The following TRAPPC4 variants were observed in gnomAD, a reference collection of about 807,000 sequenced individuals.
TRAPPC4 encodes trafficking protein particle complex subunit 4, also known as TRS23 homolog.
TRAPPC4 carries 30 observed loss-of-function variants against 23.5 expected under a neutral mutation model. That is an observed-to-expected ratio of 1.28 (90% confidence interval 0.96 to 1.73). The LOEUF (loss-of-function observed/expected upper bound fraction) is 1.73. TRAPPC4 is among the 40% of genes most tolerant of loss of function. TRAPPC4 has a pLI of 0.00. For missense variants in TRAPPC4, 252 were observed against 268.9 expected (o/e 0.94, Z 0.44); for synonymous variants, 129 against 105.3 (o/e 1.23, Z -1.38).
At chr11:119,022,279 C>T (rs116967891) in intron 4 of TRAPPC4, among the ~76,000 whole-genome samples, 1,934 of 152,240 alleles carry the variant, frequency 0.013, 41 homozygotes, top group East Asian at 0.056. Flanking sequence ...CCACTGCGCC[C>T]GGCCGAGTAT....
chr11:119,023,066 GC>G (rs1238995136), intron 4 of TRAPPC4: 1 of 275,786 alleles, frequency 3.6e-6, no homozygotes, highest in East Asian at 7.1e-5. Flanking sequence ...CCGGGTTCAG[GC>G]GATTCTTTTG....
intron 4 of TRAPPC4, among the ~76,000 whole-genome samples, chr11:119,022,808 GC>G (rs67758303): frequency 1 from 152,236 of 152,236 alleles, 76,118 homozygotes; most frequent in Non-Finnish European, 1. Context: ...GCTGAGGCAA[GC>G]AGAATCGCTT....
At chr11:119,023,230 A>C in intron 4 of TRAPPC4, 91 bp from the exon 5 acceptor site, 2 of 1,221,306 alleles carry the variant, frequency 1.6e-6, no homozygotes, top group Non-Finnish European at 2.4e-6. Context: ...CTTCCATGAT[A>C]TATGTTGTTC....
chr11:119,022,970 T>TTG (rs1943427161), intron 4 of TRAPPC4: 1 of 143,232 alleles, frequency 7.0e-6, no homozygotes, highest in African/African-American at 2.6e-5. Flanking sequence ...TTTTTTTTTT[T>TTG]TTTTTTTTTT....
rs782283023 is a variant in TRAPPC4 at position 119,019,898 on chromosome 11, G to A, written c.351-252G>A. The A allele has an allele frequency of 1.6e-5, 6 of 364,514 alleles. 1 individual carries two copies. In the South Asian group the frequency reaches 2.5e-4, roughly 15 times the overall value. 22.6% of individuals were successfully genotyped at this position (364,514 alleles called of 1,614,324 possible). On this transcript the variant is annotated intron_variant, in intron 2 of 4. Coordinates refer to ENST00000533632, the MANE Select transcript of TRAPPC4 (RefSeq NM_016146.6). ...TTGCTTAAACACAAGCTTAGTAAGC[G>A]TGGCACATATTCCTAGAGTATTCAT...
chr11:119,022,328 C>T (rs1055970094), intron 4 of TRAPPC4, among the ~76,000 whole-genome samples: 4 of 151,762 alleles, frequency 2.6e-5, no homozygotes, highest in Non-Finnish European at 2.9e-5. Flanking sequence ...CGGTGGCTCA[C>T]GTGTGTAATC....
intron 2 of TRAPPC4, 137 bp from the exon 3 acceptor site, chr11:119,020,013 A>C (rs1943302681): frequency 7.3e-6 from 4 of 548,128 alleles, no homozygotes; most frequent in Non-Finnish European, 1.3e-5. Flanking sequence ...AAATTTTGAC[A>C]CTACTGCCAG....
chr11:119,022,038 G>A (rs945078724), intron 4 of TRAPPC4, 152 bp downstream of exon 4: 2 of 998,700 alleles, frequency 2.0e-6, no homozygotes, highest in South Asian at 1.6e-5. Context: ...AGGCTGGAGT[G>A]CAATGATGCG....
chr11:119,022,319 G>A (rs550714157), intron 4 of TRAPPC4, among the ~76,000 whole-genome samples: 93 of 152,252 alleles, frequency 6.1e-4, no homozygotes, highest in African/African-American at 2.0e-3. Flanking sequence ...AGGAAAGGCC[G>A]GTGGCTCACG....
intron 4 of TRAPPC4, 105 bp downstream of exon 4, chr11:119,021,991 T>C (rs2134610571): frequency 1.4e-6 from 2 of 1,424,474 alleles, no homozygotes; most frequent in East Asian, 4.7e-5. Flanking sequence ...TTTTTTTGTT[T>C]GTTTGTTTTT....
rs71048033 is a variant in TRAPPC4 at position 119,022,957 on chromosome 11, G to GTTTTTTTTTTTTTTTTTTTTTTTTTTT, written c.582-341_582-340insTTTTTTTTTTTTTTTTTTTTTTTTTTT. The GTTTTTTTTTTTTTTTTTTTTTTTTTTT allele has an allele frequency of 2.3e-5, 2 of 85,500 alleles. 1 individual carries two copies. The highest frequency in any genetic ancestry group is 4.4e-5 in the Non-Finnish European group (2 of 44,948). The allele number at this position is 85,500 out of a possible 1,614,324, so 5.3% of individuals were successfully genotyped here. On this transcript the variant is annotated intron_variant, in intron 4 of 4. Transcript: ENST00000533632. ...TGTTTGTGGGGTTTTTTTTGTTGAT[G>GTTTTTTTTTTTTTTTTTTTTTTTTTTT]TTTTTTTTTTTTTTTTTTTTTTTGA...
chr11:119,020,568 A>T (rs1943329820), intron 3 of TRAPPC4: 1 of 236,318 alleles, frequency 4.2e-6, no homozygotes, highest in Admixed American at 5.4e-5. Flanking sequence ...ACACCCGGCT[A>T]ATTTTTCTGT....
chr11:119,023,212 A>C (rs1009527519), intron 4 of TRAPPC4, 109 bp from the exon 5 acceptor site: 38 of 1,014,482 alleles, frequency 3.7e-5, no homozygotes, highest in Non-Finnish European at 5.2e-5. Context: ...TGATCCGCCC[A>C]CCTCAGCCTT....
At chr11:119,020,324 C>A in intron 3 of TRAPPC4, 71 bp downstream of exon 3, 2 of 1,302,786 alleles carry the variant, frequency 1.5e-6, no homozygotes, top group Non-Finnish European at 2.2e-6. Flanking sequence ...AAGTTTGCAT[C>A]TCCAGGTGGG....
chr11:119,021,523 G>A (rs879075131), intron 3 of TRAPPC4: 3 of 390,026 alleles, frequency 7.7e-6, no homozygotes, highest in Admixed American at 8.3e-5. Context: ...GTAAGTGGCA[G>A]AGCTAGAACT....
At position 119,018,801 on chromosome 11, in the gene TRAPPC4, G is replaced by C; in HGVS notation, c.6G>C (p.Ala2=). 1 of 1,612,086 alleles carries C rather than the reference G, an allele frequency of 6.2e-7. No homozygotes were observed. Among genetic ancestry groups the C allele is most frequent in the African/African-American group, 1.3e-5 (1 of 75,034 alleles). ...TTCCGAGCGGCAAGGCAGCGATGGC[G>C]ATTTTTAGTGTGTATGTGGTGAACA... is the stretch of plus-strand genomic sequence containing the variant. M[A]IFSVYVVNKA... The change falls in exon 1 of 5, where the codon GCG becomes GCC. Residue 2 remains alanine (A), a synonymous_variant. Transcript: ENST00000533632.
At chr11:119,019,892 G>A (rs1445551328) in intron 2 of TRAPPC4, 1 of 342,620 alleles carries the variant, frequency 2.9e-6, no homozygotes, top group African/African-American at 2.1e-5. Context: ...CACAAGCTTA[G>A]TAAGCGTGGC....
rs146463975 is a variant in TRAPPC4, at chr11:119,020,220, A to G, written c.421A>G (p.Thr141Ala). ...AGGCATTGAGATGCTGGAGACAGACACATTCAAATTGCACTGCTACCAGAC... is the reference window on the plus strand; with the variant it reads ...AGGCATTGAGATGCTGGAGACAGACGCATTCAAATTGCACTGCTACCAGAC... ...SSGIEMLETD[T>A]FKLHCYQTLT... The change falls in exon 3 of 5, where the codon ACA becomes GCA. Residue 141 changes from threonine (T) to alanine (A), a missense_variant. By Grantham distance (58) the Thr-to-Ala change is moderately conservative. Around this residue, in one of 3 missense-constraint regions of TRAPPC4, gnomAD observed 222 missense variants for 217.8 expected, o/e 1.02. Coordinates refer to ENST00000533632, the MANE Select transcript of TRAPPC4 (RefSeq NM_016146.6). 5.1e-4 allele frequency: 821 copies of G among 1,613,856 alleles called. 1 individual carries two copies. Among genetic ancestry groups the G allele is most frequent in the Non-Finnish European group, 4.2e-4 (500 of 1,179,976 alleles).
In TRAPPC4 at chr11:119,021,750, C is replaced by T; in HGVS notation, c.455-10C>T. The T allele has an allele frequency of 6.2e-7, 1 of 1,613,788 alleles. No individual in the cohort carries two copies. The highest frequency in any genetic ancestry group is 8.5e-7 in the Non-Finnish European group (1 of 1,179,830). ...CTACGCTTTGGTAACCATTCTTGGTCTCTCTCCAGGGATCAAGTTTGTGGT... is the reference window on the plus strand; with the variant it reads ...CTACGCTTTGGTAACCATTCTTGGTTTCTCTCCAGGGATCAAGTTTGTGGT... On this transcript the variant is annotated splice_polypyrimidine_tract_variant and intron_variant, in intron 3 of 4. Coordinates refer to ENST00000533632, the MANE Select transcript of TRAPPC4 (RefSeq NM_016146.6).
Sources: gnomAD v4.1 joint callset for allele counts (sites outside exome capture counted in the v4.1 genomes callset) on GRCh38, gnomAD v4.1.1 for gene constraint, gnomAD v4.1.1 regional missense constraint, MANE v1.5 for transcripts, NCBI Gene and HGNC (gene_info 2026-07-23, HGNC 2026-07-21) for gene names.